NINJ2: variants seen among roughly 807,000 people sequenced by gnomAD.
NINJ2 encodes the protein ninjurin-2.
In NINJ2, 12 loss-of-function variants were observed where a neutral mutation model predicts 11.7. That is an observed-to-expected ratio of 1.02 (90% CI 0.66 to 1.66). The LOEUF is 1.66. Among genes scored for constraint, NINJ2 ranks in the 40% most tolerant of loss-of-function variants. NINJ2 has a pLI of 0.00. For synonymous variants in NINJ2, 93 were observed against 76.8 expected (o/e 1.21, Z -1.10); for missense variants, 187 against 181.8 (o/e 1.03, Z -0.16).
Position 565,272 on chromosome 12 carries a change from C to T in NINJ2, c.392G>A (p.Gly131Glu). Reference protein sequence around the residue: ...FITAFGAHKTGFLAARASRNP... With the variant: ...FITAFGAHKTEFLAARASRNP... The stretch of plus-strand genomic sequence containing the variant: ...CCTTGAGGCCCTGGCAGCCAGGAAC[C>T]CTGTTTTATGTGCCCCGAAGGCTGT... Residue 131 changes from glycine to glutamate, a missense_variant, in exon 3 of 4, where the codon GGG becomes GAG. Physicochemically the swap from Gly to Glu is moderately conservative, Grantham distance 98. Coordinates refer to ENST00000305108, the MANE Select transcript of NINJ2 (RefSeq NM_016533.6). 9 of 1,614,156 alleles carry T rather than the reference C, an allele frequency of 5.6e-6. No homozygotes were observed. The highest frequency in any genetic ancestry group is 7.6e-6 in the Non-Finnish European group (9 of 1,179,994).
rs1333495710 is a variant in NINJ2 at position 585,339 on chromosome 12, C to T, written c.34-19161G>A. Among the ~76,000 whole-genome samples the T allele has an allele frequency of 6.6e-6, 1 of 152,208 alleles. No individual in the cohort carries two copies. Among genetic ancestry groups the T allele is most frequent in the Non-Finnish European group, 1.5e-5 (1 of 68,026 alleles). The stretch of plus-strand genomic sequence containing the variant: ...CCATGCCAAGAGGGGTCCATACCAA[C>T]TTCCGGAATAAACGAGGCCAAAGGG... On this transcript the variant is annotated intron_variant, in intron 1 of 3. Transcript: ENST00000305108. This position sits in a 1 kb window ranked among gnomAD's most constrained non-coding sequence, Gnocchi z 4.1.
At chr12:609,353 T>C (rs1487657909) in intron 1 of NINJ2, among the ~76,000 whole-genome samples, 1 of 151,016 alleles carries the variant, frequency 6.6e-6, no homozygotes, top group African/African-American at 2.5e-5. Context: ...CGCTAGGTGC[T>C]GAAGGGGCCG....
intron 1 of NINJ2, among the ~76,000 whole-genome samples, chr12:649,486 T>C (rs897049562): frequency 4.0e-5 from 6 of 149,206 alleles, no homozygotes; most frequent in African/African-American, 1.5e-4. Flanking sequence ...AACTGTTTAT[T>C]TTTTATGGTA....
chr12:595,372 T>C (rs1947771039), intron 1 of NINJ2, among the ~76,000 whole-genome samples: 1 of 152,194 alleles, frequency 6.6e-6, no homozygotes, highest in Admixed American at 6.5e-5. Context: ...GCAAAATTCA[T>C]GAAAGAAATA....
At position 564,610 on chromosome 12, in the gene NINJ2, C is replaced by T. The variant is rs915838968; in HGVS notation, c.*90G>A. 3.9e-5 allele frequency: 6 copies of T among 152,348 alleles called. No homozygotes were observed. The highest frequency in any genetic ancestry group is 1.4e-4 in the African/African-American group (6 of 41,458). 9.4% of individuals were successfully genotyped at this position (152,348 alleles called of 1,614,324 possible). Reference sequence around the variant, plus strand: ...GCTATACTGTCCTTTCAGAAGCTCTCCTGGGCTGTGGAAAGTGCCCACGAG... The same window carrying T: ...GCTATACTGTCCTTTCAGAAGCTCTTCTGGGCTGTGGAAAGTGCCCACGAG... On this transcript the variant is annotated 3_prime_UTR_variant, in exon 4 of 4. Coordinates refer to ENST00000305108, the MANE Select transcript of NINJ2 (RefSeq NM_016533.6).
chr12:610,303 A>G (rs1214514816), intron 1 of NINJ2: 2 of 1,467,582 alleles, frequency 1.4e-6, no homozygotes, highest in Non-Finnish European at 1.8e-6. Context: ...CCCAGCACCC[A>G]GTGCTGAGCT....
intron 1 of NINJ2, among the ~76,000 whole-genome samples, chr12:638,881 G>A (rs764465436): frequency 6.6e-6 from 1 of 152,118 alleles, no homozygotes; most frequent in Non-Finnish European, 1.5e-5. Flanking sequence ...AGTACACAGC[G>A]AACATTACAT....
chr12:573,268 T>C (rs1170316778), intron 1 of NINJ2, among the ~76,000 whole-genome samples: 1 of 151,934 alleles, frequency 6.6e-6, no homozygotes, highest in Non-Finnish European at 1.5e-5. Flanking sequence ...CTCAGGTGAT[T>C]CACCTGCCTC....
At chr12:650,247 G>T (rs1937766495) in intron 1 of NINJ2, among the ~76,000 whole-genome samples, 1 of 151,914 alleles carries the variant, frequency 6.6e-6, no homozygotes, top group African/African-American at 2.4e-5. Flanking sequence ...ACCACACCTG[G>T]CTAATTTTTA....
chr12:574,020 G>A (rs113085251), intron 1 of NINJ2, among the ~76,000 whole-genome samples: 10 of 152,276 alleles, frequency 6.6e-5, no homozygotes, highest in African/African-American at 2.2e-4. Context: ...TCAAGAGTTC[G>A]AGACCAGCCT....
At chr12:606,161 C>G (rs1947939202) in intron 1 of NINJ2, among the ~76,000 whole-genome samples, 1 of 152,086 alleles carries the variant, frequency 6.6e-6, no homozygotes, top group Non-Finnish European at 1.5e-5. Context: ...CATGAGCCAC[C>G]TTGCCCAGCC....
chr12:597,624 T>G (rs1336686656), intron 1 of NINJ2, among the ~76,000 whole-genome samples: 1 of 152,248 alleles, frequency 6.6e-6, no homozygotes, highest in African/African-American at 2.4e-5. Flanking sequence ...TGAAGAAGTC[T>G]CGAAGACATT....
chr12:616,433 T>C (rs1948092239), intron 1 of NINJ2, among the ~76,000 whole-genome samples: 1 of 152,102 alleles, frequency 6.6e-6, no homozygotes, highest in Non-Finnish European at 1.5e-5. Flanking sequence ...GGGTTTGGTC[T>C]TGGGAGAACA....
intron 1 of NINJ2, among the ~76,000 whole-genome samples, chr12:601,349 AT>A (rs1947865876): frequency 6.8e-6 from 1 of 147,940 alleles, no homozygotes; most frequent in Non-Finnish European, 1.5e-5. Context: ...GATCGAGACC[AT>A]CCTGGCTAAC....
At position 628,002 on chromosome 12, in the gene NINJ2, TCCTCCCCGCCCTGCC is replaced by T. The variant is rs1305954736; in HGVS notation, c.33+35311_33+35325del. On this transcript the variant is annotated intron_variant, in intron 1 of 3. Coordinates refer to ENST00000305108, the MANE Select transcript of NINJ2 (RefSeq NM_016533.6). This position sits in a 1 kb window ranked among gnomAD's most constrained non-coding sequence, Gnocchi z 4.4. The stretch of plus-strand genomic sequence containing the variant: ...CTGTCCTGTCCCTGTCCCTGCCGCA[TCCTCCCCGCCCTGCC>T]CCCGGCTCCTCTTTCACACCCTGTG... Among the ~76,000 whole-genome samples the T allele has an allele frequency of 6.6e-6, 1 of 152,092 alleles. No homozygotes were observed. The highest frequency in any genetic ancestry group is 1.5e-5 in the Non-Finnish European group (1 of 68,022).
chr12:604,241 A>T lies in NINJ2; in HGVS notation c.34-38063T>A, dbSNP rs139407071. On this transcript the variant is annotated intron_variant, in intron 1 of 3. Coordinates refer to ENST00000305108, the MANE Select transcript of NINJ2 (RefSeq NM_016533.6). ...TGGGGAGTATCGCTATCTTAACAAC[A>T]GTAAAGGGATTTTTTAAAGTATAAG... Among the ~76,000 whole-genome samples the T allele has an allele frequency of 1.9e-3, 289 of 152,352 alleles. 1 individual carries two copies. Among genetic ancestry groups the T allele is most frequent in the African/African-American group, 6.7e-3 (278 of 41,582 alleles).
intron 1 of NINJ2, among the ~76,000 whole-genome samples, chr12:579,983 G>C (rs982226052): frequency 2.0e-5 from 3 of 152,218 alleles, no homozygotes; most frequent in Admixed American, 2.0e-4. Context: ...ACTGGGCTGG[G>C]AAGACAGGAG....
rs184047655 is a variant in NINJ2, at chr12:656,295, C to T, written c.33+7033G>A. On this transcript the variant is annotated intron_variant, in intron 1 of 3. Transcript: ENST00000305108. ...AGGAGAATCACTTGAACCCAGGAGGCGGAGGTTGCAGTGAGCCAAGATTAC... is the reference window on the plus strand; with the variant it reads ...AGGAGAATCACTTGAACCCAGGAGGTGGAGGTTGCAGTGAGCCAAGATTAC... Among the ~76,000 whole-genome samples, 1,114 of 151,762 alleles carry T rather than the reference C, an allele frequency of 7.3e-3. 16 individuals are homozygous for T. Among genetic ancestry groups the T allele is most frequent in the African/African-American group, 0.025 (1,049 of 41,368 alleles).
At chr12:573,444 C>T (rs1028864460) in intron 1 of NINJ2, among the ~76,000 whole-genome samples, 12 of 151,968 alleles carry the variant, frequency 7.9e-5, no homozygotes, top group African/African-American at 1.2e-4. Context: ...GGTGTGGTGC[C>T]GCATGCCTAT....
Sources: allele counts gnomAD v4.1 joint callset (sites outside exome capture counted in the v4.1 genomes callset), GRCh38; gene constraint gnomAD v4.1.1; non-coding constraint Gnocchi (gnomAD v3.1); transcripts MANE v1.5; gene names NCBI Gene and HGNC (gene_info 2026-07-23, HGNC 2026-07-21).